Variants in ATP8B4 observed in about 807,000 individuals in gnomAD.
ATP8B4 encodes ATPase phospholipid transporting 8B4 (putative).
In ATP8B4, 133 loss-of-function variants were observed where a neutral mutation model predicts 145.6. The ratio of observed to expected loss-of-function variants is 0.91; its 90% CI spans 0.79 to 1.05. The LOEUF (loss-of-function observed/expected upper bound fraction) is 1.05. ATP8B4 is among the 50% of genes least tolerant of loss of function. The pLI, the probability that ATP8B4 is intolerant of heterozygous loss-of-function variation, is 0.00. For missense variants in ATP8B4, 1,458 were observed against 1,425.2 expected, an observed-to-expected ratio of 1.02 and a Z score of -0.37; for synonymous variants, 507 against 492.9, an observed-to-expected ratio of 1.03 and a Z score of -0.38.
At chr15:49,919,448 T>C (rs1026251334) in intron 18 of ATP8B4, among the ~76,000 whole-genome samples, 1 of 152,170 alleles carries the variant, frequency 6.6e-6, no homozygotes, top group African/African-American at 2.4e-5. Context: ...GACGGAGTCT[T>C]GCTCTGTCGC....
At chr15:49,900,929 A>G (rs550265866) in intron 21 of ATP8B4, among the ~76,000 whole-genome samples, 163 bp downstream of exon 21, 2 of 152,320 alleles carry the variant, frequency 1.3e-5, no homozygotes, top group South Asian at 2.1e-4. Flanking sequence ...GATATATATT[A>G]GAAGTTTCCT....
intron 1 of ATP8B4, among the ~76,000 whole-genome samples, chr15:50,163,824 G>A (rs1357127502): frequency 6.6e-6 from 1 of 152,168 alleles, no homozygotes; most frequent in African/African-American, 2.4e-5. Context: ...TACCATGGTT[G>A]AGCTGGCACC....
At chr15:50,161,791 C>A (rs74322227) in intron 1 of ATP8B4, among the ~76,000 whole-genome samples, 2,103 of 152,010 alleles carry the variant, frequency 0.014, 51 homozygotes, top group African/African-American at 0.049. Context: ...TATGAGTTTT[C>A]ACACCACAAT....
chr15:49,980,100 T>TATACA (rs2046024788), intron 11 of ATP8B4, among the ~76,000 whole-genome samples: 7 of 152,198 alleles, frequency 4.6e-5, no homozygotes, highest in African/African-American at 1.4e-4. Context: ...ACTATGTAAC[T>TATACA]TGTCTATGTT....
intron 1 of ATP8B4, among the ~76,000 whole-genome samples, chr15:50,176,123 CAT>C (rs972053581): frequency 6.7e-6 from 1 of 149,940 alleles, no homozygotes; most frequent in Non-Finnish European, 1.5e-5. Flanking sequence ...TACTGCACAG[CAT>C]ATATATATAC....
intron 2 of ATP8B4, among the ~76,000 whole-genome samples, chr15:50,095,758 A>T (rs1456525276): frequency 1.3e-5 from 2 of 151,988 alleles, no homozygotes; most frequent in Non-Finnish European, 2.9e-5. Flanking sequence ...GTTTCTAAAA[A>T]AAAAAAGAAA....
intron 26 of ATP8B4, among the ~76,000 whole-genome samples, chr15:49,864,637 T>C (rs2032460519): frequency 6.6e-6 from 1 of 152,212 alleles, no homozygotes; most frequent in Non-Finnish European, 1.5e-5. Flanking sequence ...AGGTATACTC[T>C]TTGTAGAATA....
chr15:49,870,321 T>C (rs1006084977), intron 25 of ATP8B4, among the ~76,000 whole-genome samples: 2 of 152,128 alleles, frequency 1.3e-5, no homozygotes, highest in Non-Finnish European at 2.9e-5. Context: ...ACAGAAAATG[T>C]ATGGGAGGAT....
intron 14 of ATP8B4, among the ~76,000 whole-genome samples, chr15:49,946,691 C>A (rs567710124): frequency 6.6e-5 from 10 of 152,170 alleles, no homozygotes; most frequent in Non-Finnish European, 1.2e-4. Context: ...ACTTATTATA[C>A]CCTCCTTGCC....
At chr15:50,080,427 G>A (rs1469074328) in intron 2 of ATP8B4, among the ~76,000 whole-genome samples, 3 of 152,136 alleles carry the variant, frequency 2.0e-5, no homozygotes, top group Non-Finnish European at 4.4e-5. Flanking sequence ...TCATAGGGCT[G>A]ATGGTTTGTT....
At chr15:50,110,730 C>T (rs1372177546) in intron 1 of ATP8B4, among the ~76,000 whole-genome samples, 1 of 152,070 alleles carries the variant, frequency 6.6e-6, no homozygotes, top group Non-Finnish European at 1.5e-5. Flanking sequence ...TCATCTTATG[C>T]CAGGGATTAA....
At chr15:49,879,297 G>A (rs1470629948) in intron 24 of ATP8B4, 79 bp downstream of exon 24, 19 of 1,268,252 alleles carry the variant, frequency 1.5e-5, no homozygotes, top group Non-Finnish European at 2.0e-5. Flanking sequence ...ACTTAGAATT[G>A]TGTTTTCTAC....
In ATP8B4 at chr15:49,897,271, A is replaced by C. The variant is rs374794248; in HGVS notation, c.2697+21T>G. 455 of 1,571,942 alleles carry C rather than the reference A, an allele frequency of 2.9e-4. 1 individual carries two copies. The highest frequency in any genetic ancestry group is 8.9e-4 in the Admixed American group (52 of 58,234). On this transcript the variant is annotated intron_variant, in intron 23 of 27. Coordinates refer to ENST00000284509, the MANE Select transcript of ATP8B4 (RefSeq NM_024837.4). Reference sequence around the variant, plus strand: ...AAAAACAAACAAACAAACAAACAAAAAAAAACATGCTTTTACCAACCTGGG... The same window carrying C: ...AAAAACAAACAAACAAACAAACAAACAAAAACATGCTTTTACCAACCTGGG...
At chr15:50,083,662 T>G (rs2054703762) in intron 2 of ATP8B4, among the ~76,000 whole-genome samples, 1 of 152,074 alleles carries the variant, frequency 6.6e-6, no homozygotes. Flanking sequence ...ACCTCAGGGG[T>G]TGCACAGGAA....
intron 16 of ATP8B4, 125 bp downstream of exon 16, chr15:49,930,994 G>T: frequency 9.5e-7 from 1 of 1,049,078 alleles, no homozygotes; most frequent in Non-Finnish European, 1.4e-6. Flanking sequence ...CAACACAAGA[G>T]TTTATACATA....
chr15:50,093,417 T>C (rs1178760727), intron 2 of ATP8B4, among the ~76,000 whole-genome samples: 2 of 152,102 alleles, frequency 1.3e-5, no homozygotes, highest in African/African-American at 4.8e-5. Flanking sequence ...TAAAATATTC[T>C]AAATTCATGA....
Position 50,159,232 on chromosome 15 carries a change from C to G in ATP8B4, c.-43+23029G>C, listed in dbSNP as rs983600833. Among the ~76,000 whole-genome samples, 38 of 151,602 alleles carry G rather than the reference C, an allele frequency of 2.5e-4. 1 individual carries two copies. Among genetic ancestry groups the G allele is most frequent in the Non-Finnish European group, 2.8e-4 (19 of 67,832 alleles). ...AGATCTTTTACTTCTTTGGTTAATT[C>G]TTAGGTATTTTATTTTATTTGTAGC... On this transcript the variant is annotated intron_variant, in intron 1 of 3. Coordinates refer to the ATP8B4 transcript ENST00000558829.
At chr15:50,080,825 C>G (rs2054496659) in intron 2 of ATP8B4, among the ~76,000 whole-genome samples, 1 of 152,048 alleles carries the variant, frequency 6.6e-6, no homozygotes, top group Non-Finnish European at 1.5e-5. Flanking sequence ...ATGAAAGAGT[C>G]CTCATGGGCC....
chr15:50,073,806 A>G (rs923443335), intron 3 of ATP8B4, among the ~76,000 whole-genome samples: 1 of 152,204 alleles, frequency 6.6e-6, no homozygotes, highest in Non-Finnish European at 1.5e-5. Flanking sequence ...AAGTGCTACC[A>G]AAAAGGTCCA....
Sources: gnomAD v4.1 joint callset for allele counts (sites outside exome capture counted in the v4.1 genomes callset) on GRCh38, gnomAD v4.1.1 for gene constraint, MANE v1.5 for transcripts, NCBI Gene and HGNC (gene_info 2026-07-23, HGNC 2026-07-21) for gene names.